TSEN15: variants seen among roughly 807,000 people sequenced by gnomAD.
TSEN15 encodes the protein tRNA splicing endonuclease subunit 15.
TSEN15 carries 10 observed loss-of-function variants against 20.5 expected under a neutral mutation model. The ratio of observed to expected loss-of-function variants is 0.49; its 90% CI spans 0.30 to 0.83. TSEN15 has a LOEUF of 0.83. TSEN15 is among the 40% of genes least tolerant of loss of function. TSEN15 has a pLI of 0.06. For missense variants in TSEN15, 180 were observed against 218.6 expected, an observed-to-expected ratio of 0.82 and a Z score of 1.11; for synonymous variants, 72 against 80.1, an observed-to-expected ratio of 0.90 and a Z score of 0.54.
In TSEN15 at chr1:184,051,752, C is replaced by G. The variant is rs1390383831; in HGVS notation, c.-4C>G. The G allele has an allele frequency of 6.9e-7, 1 of 1,459,032 alleles. No individual in the cohort carries two copies. The highest frequency in any genetic ancestry group is 1.3e-5 in the South Asian group (1 of 74,366). 90.4% of individuals were successfully genotyped at this position (1,459,032 alleles called of 1,614,324 possible). A position where few individuals can be genotyped will look rare whatever the true frequency, so the allele number is the denominator to read the frequency against. ...TGCACCACGGGAGCGCCGCACCGGC[C>G]GGCATGGAGGAGCGCGGCGATTCCG... On this transcript the variant is annotated 5_prime_UTR_variant, in exon 1 of 5. Transcript: ENST00000645668.
At chr1:184,058,053 T>G in intron 3 of TSEN15, 1 of 346,094 alleles carries the variant, frequency 2.9e-6, no homozygotes, top group South Asian at 2.5e-5. Flanking sequence ...CCTGCATTTA[T>G]TCCTAAAAAA....
chr1:184,073,108 A>T lies in TSEN15; in HGVS notation c.*261A>T. 2.6e-6 allele frequency: 1 copy of T among 390,292 alleles called. No homozygotes were observed. The highest frequency in any genetic ancestry group is 4.5e-6 in the Non-Finnish European group (1 of 220,972). The allele number at this position is 390,292 out of a possible 1,614,324, so 24.2% of individuals were successfully genotyped here. On this transcript the variant is annotated 3_prime_UTR_variant, in exon 5 of 5. Transcript: ENST00000645668. ...AGTTATATACAGGTTTATGCCTAGG[A>T]TGTATTCAGATGGGTGGGACCTGTG...
intron 3 of TSEN15, chr1:184,095,003 C>A (rs1340796694): frequency 5.0e-6 from 2 of 398,472 alleles, no homozygotes; most frequent in African/African-American, 2.1e-5. Context: ...ATGAAGGGGT[C>A]ATTTGCCTGT....
In TSEN15 at chr1:184,073,206, C is replaced by T. The variant is rs185627958; in HGVS notation, c.*359C>T. On this transcript the variant is annotated 3_prime_UTR_variant, in exon 5 of 5. Coordinates refer to ENST00000645668, the MANE Select transcript of TSEN15 (RefSeq NM_052965.4). The stretch of plus-strand genomic sequence containing the variant: ...TGCCACTGCCAGCTCATTGTTGAGA[C>T]TGCCATTTCTTTCTCTTACTCAGCT... The T allele has an allele frequency of 1.5e-5, 3 of 200,458 alleles. No individual in the cohort carries two copies. The East Asian group carries it at 3.7e-4, about 25-fold the overall frequency. The allele number at this position is 200,458 out of a possible 1,614,324, so 12.4% of individuals were successfully genotyped here. A position where few individuals can be genotyped will look rare whatever the true frequency, so the allele number is the denominator to read the frequency against.
intron 3 of TSEN15, among the ~76,000 whole-genome samples, chr1:184,055,578 C>A (rs1277096164): frequency 6.6e-6 from 1 of 152,026 alleles, no homozygotes; most frequent in Non-Finnish European, 1.5e-5. Flanking sequence ...CCATGTAATA[C>A]AAATTATACT....
intron 3 of TSEN15, among the ~76,000 whole-genome samples, chr1:184,083,994 C>T (rs978363401): frequency 6.6e-6 from 1 of 152,114 alleles, no homozygotes; most frequent in East Asian, 1.9e-4. Context: ...GAATTGTGCT[C>T]CTTTGAATTT....
intron 3 of TSEN15, among the ~76,000 whole-genome samples, chr1:184,079,582 G>C (rs1317901287): frequency 6.6e-6 from 1 of 152,116 alleles, no homozygotes; most frequent in Admixed American, 6.6e-5. Context: ...AGGAGAGAGA[G>C]AGAGGGTCAG....
chr1:184,077,782 T>C (rs142143843), downstream of TSEN15, among the ~76,000 whole-genome samples: 862 of 152,286 alleles, frequency 5.7e-3, 6 homozygotes, highest in African/African-American at 0.02. Context: ...AGAATTAGAA[T>C]TGGAAGTGAA....
chr1:184,065,640 T>G (rs1009328281), intron 3 of TSEN15, among the ~76,000 whole-genome samples: 2 of 152,216 alleles, frequency 1.3e-5, no homozygotes, highest in African/African-American at 4.8e-5. Flanking sequence ...CAGATTGGCT[T>G]TCACTCAGCA....
chr1:184,089,252 G>A (rs1651316455), intron 3 of TSEN15, among the ~76,000 whole-genome samples: 1 of 152,152 alleles, frequency 6.6e-6, no homozygotes, highest in Non-Finnish European at 1.5e-5. Flanking sequence ...ATATATGTAT[G>A]CATGTCATGT....
intron 3 of TSEN15, among the ~76,000 whole-genome samples, chr1:184,071,455 G>A (rs1279918657): frequency 6.6e-6 from 1 of 151,856 alleles, no homozygotes; most frequent in East Asian, 1.9e-4. Context: ...ATATTACTGG[G>A]TTTAAATATA....
chr1:184,056,937 T>C (rs770327476), intron 3 of TSEN15, among the ~76,000 whole-genome samples: 4 of 152,224 alleles, frequency 2.6e-5, no homozygotes, highest in Admixed American at 6.5e-5. Flanking sequence ...ATTTCTTCTT[T>C]AGAAGCTGTA....
chr1:184,095,210 T>C (rs1651426537), intron 3 of TSEN15: 1 of 397,612 alleles, frequency 2.5e-6, no homozygotes, highest in African/African-American at 2.1e-5. Context: ...CCTGCCAGTT[T>C]CCTTCTGACA....
intron 3 of TSEN15, among the ~76,000 whole-genome samples, chr1:184,063,838 G>C (rs1650551951): frequency 6.6e-6 from 1 of 151,960 alleles, no homozygotes; most frequent in South Asian, 2.1e-4. Context: ...AAAACCCCGA[G>C]ATGTGTAGGG....
At chr1:184,055,236 A>T (rs1650205424) in intron 3 of TSEN15, among the ~76,000 whole-genome samples, 1 of 152,124 alleles carries the variant, frequency 6.6e-6, no homozygotes, top group Non-Finnish European at 1.5e-5. Flanking sequence ...GGAGTGAGAG[A>T]GAGTGTTGAG....
intron 3 of TSEN15, among the ~76,000 whole-genome samples, chr1:184,063,388 G>GTA (rs1358462922): frequency 1.3e-5 from 2 of 152,152 alleles, no homozygotes; most frequent in Non-Finnish European, 2.9e-5. Flanking sequence ...AATTATTTTG[G>GTA]CAAGAGTATT....
intron 2 of TSEN15, 82 bp from the exon 3 acceptor site, chr1:184,054,646 A>C (rs1650177241): frequency 4.7e-6 from 7 of 1,480,438 alleles, no homozygotes; most frequent in Non-Finnish European, 6.4e-6. Flanking sequence ...ATATTTGCTC[A>C]GCTGAGTATT....
rs1181956270 is a variant in TSEN15 at position 184,062,916 on chromosome 1, T to C, written c.353+8053T>C. ...AAGCTGAGCGAAGTGAAATGTCTTA[T>C]ACAATTATAAAATCCAGGCACAGTT... On this transcript the variant is annotated intron_variant, in intron 3 of 4. Coordinates refer to ENST00000645668, the MANE Select transcript of TSEN15 (RefSeq NM_052965.4). Among the ~76,000 whole-genome samples, 8 of 152,144 alleles carry C rather than the reference T, an allele frequency of 5.3e-5. 1 individual carries two copies. In the East Asian group the frequency reaches 5.8e-4, roughly 11 times the overall value.
intron 3 of TSEN15, chr1:184,095,025 A>G (rs1040368873): frequency 2.5e-6 from 1 of 398,470 alleles, no homozygotes; most frequent in Non-Finnish European, 4.4e-6. Context: ...TTACACATTT[A>G]TCCAGATCAG....
Sources: allele counts gnomAD v4.1 joint callset (sites outside exome capture counted in the v4.1 genomes callset), GRCh38; gene constraint gnomAD v4.1.1; transcripts MANE v1.5; gene names NCBI Gene and HGNC (gene_info 2026-07-23, HGNC 2026-07-21).